The following NCK2 variants were observed in gnomAD, a reference collection of about 807,000 sequenced individuals.
NCK2 encodes the protein cytoplasmic protein NCK2.
A neutral mutation model predicts 33.9 loss-of-function variants in NCK2; 16 were observed. The ratio of observed to expected loss-of-function variants is 0.47; its 90% CI spans 0.32 to 0.72. NCK2 has a LOEUF of 0.72. Among genes scored for constraint, NCK2 ranks in the 30% least tolerant of loss-of-function variants. The pLI is 0.03. For synonymous variants in NCK2, 273 were observed against 239.9 expected (o/e 1.14, Z -1.27); for missense variants, 418 against 537.3 (o/e 0.78, Z 2.19).
At chr2:105,834,202 T>G (rs1261080313) in intron 2 of NCK2, among the ~76,000 whole-genome samples, 1 of 152,244 alleles carries the variant, frequency 6.6e-6, no homozygotes, top group African/African-American at 2.4e-5. Context: ...GTTGATTTTC[T>G]GCCTGGATGA....
chr2:105,838,453 T>C (rs1676515004), intron 2 of NCK2, among the ~76,000 whole-genome samples: 1 of 152,220 alleles, frequency 6.6e-6, no homozygotes, highest in African/African-American at 2.4e-5. Context: ...TCTTTATTAC[T>C]GATCTGTATT....
At chr2:105,758,407 G>GTTTTTTTTTT (rs1254729110) in intron 1 of NCK2, among the ~76,000 whole-genome samples, 1 of 122,124 alleles carries the variant, frequency 8.2e-6, no homozygotes, top group African/African-American at 2.9e-5. Context: ...TGTTTTTGTT[G>GTTTTTTTTTT]TTTTTGTTTT....
intron 1 of NCK2, among the ~76,000 whole-genome samples, chr2:105,760,830 G>A (rs2104353227): frequency 6.6e-6 from 1 of 152,016 alleles, no homozygotes; most frequent in East Asian, 1.9e-4. Context: ...GACCCCACGT[G>A]GACTGTGTTC....
chr2:105,881,419 C>T lies in NCK2; in HGVS notation c.318C>T (p.Ala106=), dbSNP rs1450419545. 2.5e-6 allele frequency: 4 copies of T among 1,612,876 alleles called. No individual in the cohort carries two copies. Among genetic ancestry groups the T allele is most frequent in the Admixed American group, 1.7e-5 (1 of 60,008 alleles). ...DAEYPANGSG[A]DRIYDLNIPA... ...AGTACCCCGCCAATGGCAGCGGCGC[C>T]GACCGCATCTACGACCTCAACATCC... is the stretch of plus-strand genomic sequence containing the variant. The change falls in exon 4 of 5, where the codon GCC becomes GCT. Residue 106 remains alanine (A), a synonymous_variant. Coordinates refer to ENST00000233154, the MANE Select transcript of NCK2 (RefSeq NM_003581.5).
chr2:105,893,385 A>AG lies in NCK2; in HGVS notation c.*213dup, dbSNP rs1679079446. 1.9e-6 allele frequency: 1 copy of AG among 538,890 alleles called. No homozygotes were observed. The allele number at this position is 538,890 out of a possible 1,614,324, so 33.4% of individuals were successfully genotyped here. A position where few individuals can be genotyped will look rare whatever the true frequency, so the allele number is the denominator to read the frequency against. ...CCACCCGGCCGGCCAGCTTTAGAGGAGGGGAGGAGCAGGGCGAGTTCACAT... is the reference window on the plus strand; with the variant it reads ...CCACCCGGCCGGCCAGCTTTAGAGGAGGGGGAGGAGCAGGGCGAGTTCACAT... On this transcript the variant is annotated 3_prime_UTR_variant, in exon 5 of 5. Coordinates refer to ENST00000233154, the MANE Select transcript of NCK2 (RefSeq NM_003581.5).
intron 2 of NCK2, among the ~76,000 whole-genome samples, chr2:105,840,976 A>G (rs907335678): frequency 6.6e-6 from 1 of 152,190 alleles, no homozygotes; most frequent in African/African-American, 2.4e-5. Context: ...TCCCAGAAAC[A>G]AGGACAGACC....
chr2:105,759,991 C>T (rs780136235), intron 1 of NCK2, among the ~76,000 whole-genome samples: 8 of 152,098 alleles, frequency 5.3e-5, no homozygotes, highest in Non-Finnish European at 8.8e-5. Context: ...GATCACCTGG[C>T]CCAGGTAGTG....
chr2:105,816,153 A>G (rs1166288652), intron 1 of NCK2, among the ~76,000 whole-genome samples: 2 of 152,192 alleles, frequency 1.3e-5, no homozygotes, highest in African/African-American at 2.4e-5. Context: ...TTCAAAATAC[A>G]TAAAATTAGC....
intron 3 of NCK2, among the ~76,000 whole-genome samples, chr2:105,859,505 C>G (rs766006920): frequency 1.5e-4 from 23 of 152,156 alleles, no homozygotes; most frequent in Admixed American, 9.2e-4. Context: ...CATGATCAGC[C>G]CCAGAACTCC....
At chr2:105,837,259 C>A (rs1676468449) in intron 2 of NCK2, among the ~76,000 whole-genome samples, 1 of 152,200 alleles carries the variant, frequency 6.6e-6, no homozygotes, top group African/African-American at 2.4e-5. Context: ...TTAATGACGT[C>A]AAGCTCCTTG....
intron 4 of NCK2, among the ~76,000 whole-genome samples, chr2:105,884,451 C>A (rs1257771829): frequency 6.6e-6 from 1 of 152,192 alleles, no homozygotes; most frequent in Non-Finnish European, 1.5e-5. Flanking sequence ...TATTTAATTT[C>A]CTTTTTTTCT....
intron 1 of NCK2, among the ~76,000 whole-genome samples, chr2:105,786,361 CAGGCTGGGGACAGGATGGGAGTTCGGGA>C (rs1409305648): frequency 1.3e-5 from 2 of 152,162 alleles, no homozygotes; most frequent in Admixed American, 6.5e-5. Context: ...GGCCAGTGGG[CAGGCTGGGGACAGGATGGGAGTTCGGGA>C]AGGCTGGGAG....
chr2:105,853,911 G>A (rs1677161288), intron 2 of NCK2: 1 of 152,238 alleles, frequency 6.6e-6, no homozygotes, highest in Non-Finnish European at 1.5e-5. Context: ...CCTGGGGGAT[G>A]GTAGAGGATG....
At chr2:105,744,533 T>G (rs1689191142), upstream of NCK2, among the ~76,000 whole-genome samples, 1 of 152,110 alleles carries the variant, frequency 6.6e-6, no homozygotes, top group Admixed American at 6.5e-5. Context: ...AGTTGCCGTC[T>G]GTGTTTTCAC....
At chr2:105,820,498 G>GCCT (rs1675685999) in intron 2 of NCK2, among the ~76,000 whole-genome samples, 1 of 152,074 alleles carries the variant, frequency 6.6e-6, no homozygotes, top group Non-Finnish European at 1.5e-5. Flanking sequence ...ATTTCCACGT[G>GCCT]GTGCATTTCC....
chr2:105,854,597 C>T (rs929817693), intron 2 of NCK2: 1 of 152,728 alleles, frequency 6.5e-6, no homozygotes, highest in Non-Finnish European at 1.5e-5. Context: ...ATCCAGGATA[C>T]CACCTTGTTA....
At chr2:105,780,267 A>G (rs947807806) in intron 1 of NCK2, among the ~76,000 whole-genome samples, 1 of 152,100 alleles carries the variant, frequency 6.6e-6, no homozygotes, top group Non-Finnish European at 1.5e-5. Context: ...GGGACCTGAT[A>G]GTCATAAATA....
intron 1 of NCK2, among the ~76,000 whole-genome samples, chr2:105,816,075 A>G (rs1675473486): frequency 1.3e-5 from 2 of 152,148 alleles, no homozygotes. Context: ...AAGAGGGAGT[A>G]CATGTGTGTT....
intron 1 of NCK2, among the ~76,000 whole-genome samples, chr2:105,798,330 T>G (rs980843404): frequency 7.9e-5 from 12 of 152,198 alleles, no homozygotes; most frequent in African/African-American, 2.9e-4. Flanking sequence ...TGTTTGTACA[T>G]CCAGAATATT....
Sources: gnomAD v4.1 joint callset for allele counts (sites outside exome capture counted in the v4.1 genomes callset) on GRCh38, gnomAD v4.1.1 for gene constraint, MANE v1.5 for transcripts, NCBI Gene and HGNC (gene_info 2026-07-23, HGNC 2026-07-21) for gene names.